TBXAS1: variants seen among roughly 807,000 people sequenced by gnomAD.
TBXAS1 encodes the protein thromboxane A synthase 1.
Under a neutral mutation model 60.7 loss-of-function variants are expected in TBXAS1, and 48 were observed. The ratio of observed to expected loss-of-function variants is 0.79; its 90% CI spans 0.63 to 1.01. The LOEUF (loss-of-function observed/expected upper bound fraction) is 1.01, where lower values mean the gene tolerates loss of function less well. Ranked by LOEUF, TBXAS1 falls within the 50% of genes least tolerant of loss-of-function variation. TBXAS1 has a pLI of 0.00. For synonymous variants in TBXAS1, 287 were observed against 269.7 expected, an observed-to-expected ratio of 1.06 and a Z score of -0.63; for missense variants, 685 against 686.3, an observed-to-expected ratio of 1.00 and a Z score of 0.02.
At chr7:139,814,661 C>A (rs4726815) in intron 4 of TBXAS1, among the ~76,000 whole-genome samples, 1 of 151,918 alleles carries the variant, frequency 6.6e-6, no homozygotes. Flanking sequence ...AGCAACAAGA[C>A]AAAGCATGTC....
intron 1 of TBXAS1, 58 bp from the exon 2 acceptor site, chr7:139,872,167 TCCTAATAGAG>T (rs1000151462): frequency 1.4e-6 from 2 of 1,459,706 alleles, no homozygotes; most frequent in African/African-American, 2.8e-5. Flanking sequence ...TAATTCTAGT[TCCTAATAGAG>T]CCTAAAGCAT....
chr7:139,877,728 CTTTTTTTTTT>C (rs902893678), intron 3 of TBXAS1, among the ~76,000 whole-genome samples: 2 of 97,688 alleles, frequency 2.0e-5, no homozygotes, highest in African/African-American at 4.0e-5. Flanking sequence ...CAGTCTATTG[CTTTTTTTTTT>C]TTTTTTTTTG....
At chr7:140,015,652 T>C in intron 10 of TBXAS1, 71 bp from the exon 11 acceptor site, 1 of 1,575,240 alleles carries the variant, frequency 6.3e-7, no homozygotes, top group Non-Finnish European at 8.7e-7. Context: ...AGACTCTGCC[T>C]GCCCAGCACG....
chr7:139,967,825 G>T (rs1810904600), intron 9 of TBXAS1, among the ~76,000 whole-genome samples: 1 of 152,204 alleles, frequency 6.6e-6, no homozygotes, highest in South Asian at 2.1e-4. Context: ...GTGGCCCCCA[G>T]ATTAGAAGTT....
chr7:139,957,753 G>A lies in TBXAS1; in HGVS notation c.808G>A (p.Ala270Thr), dbSNP rs1288457690. 2.5e-6 allele frequency: 4 copies of A among 1,614,092 alleles called. No individual in the cohort carries two copies. The highest frequency in any genetic ancestry group is 2.2e-5 in the East Asian group (1 of 44,872). The change falls in exon 8 of 13, where the codon GCT becomes ACT. Residue 270 changes from alanine (A) to threonine (T), a missense_variant. Transcript: ENST00000448866. Reference protein sequence around the residue: ...RNVIALRDQQAAEERRRDFLQ... With the variant: ...RNVIALRDQQTAEERRRDFLQ... ...TGTGATTGCCTTGCGGGACCAGCAA[G>A]CTGCCGAAGAGGTAACGTATTTTAA...
At chr7:139,958,970 C>T (rs1452183189) in intron 8 of TBXAS1, among the ~76,000 whole-genome samples, 8 of 151,850 alleles carry the variant, frequency 5.3e-5, no homozygotes, top group Admixed American at 5.3e-4. Flanking sequence ...ATTTTCAACC[C>T]TCAACATTGC....
rs190078236 is a variant in TBXAS1, at chr7:139,879,341, G to A, written c.236+3704G>A. On this transcript the variant is annotated intron_variant, in intron 3 of 12. Coordinates refer to ENST00000448866, the MANE Select transcript of TBXAS1 (RefSeq NM_001061.7). The stretch of plus-strand genomic sequence containing the variant: ...AACTTGAATGTAAAGCAGGAGGACT[G>A]GCGTGGATACCTATACAGCTATTAG... Among the ~76,000 whole-genome samples, 6 of 152,306 alleles carry A rather than the reference G, an allele frequency of 3.9e-5. No individual in the cohort carries two copies. The East Asian group carries it at 1.2e-3, about 29-fold the overall frequency.
At chr7:139,833,678 C>T (rs980158652) in intron 1 of TBXAS1, among the ~76,000 whole-genome samples, 18 of 150,534 alleles carry the variant, frequency 1.2e-4, no homozygotes, top group Non-Finnish European at 2.5e-4. Context: ...CAGCAAGACT[C>T]TTTCTCAAAA....
intron 4 of TBXAS1, among the ~76,000 whole-genome samples, chr7:139,804,396 A>G (rs1246177150): frequency 6.6e-6 from 1 of 152,218 alleles, no homozygotes; most frequent in African/African-American, 2.4e-5. Flanking sequence ...TTGATTTTAC[A>G]GGCTCATAGG....
At chr7:139,791,344 G>A (rs553578574) in intron 4 of TBXAS1, among the ~76,000 whole-genome samples, 70 of 152,254 alleles carry the variant, frequency 4.6e-4, no homozygotes, top group African/African-American at 1.6e-3. Context: ...TGGGAGCCTC[G>A]GAGGCCTTCA....
chr7:139,780,483 T>C (rs1342410655), intron 1 of TBXAS1, among the ~76,000 whole-genome samples: 1 of 152,200 alleles, frequency 6.6e-6, no homozygotes, highest in Non-Finnish European at 1.5e-5. Context: ...GCCTAACGCA[T>C]GGTGAGTACT....
chr7:139,872,350 C>T (rs1217716488), intron 2 of TBXAS1, 22 bp downstream of exon 2: 5 of 1,608,338 alleles, frequency 3.1e-6, no homozygotes, highest in Non-Finnish European at 3.4e-6. Flanking sequence ...CTTCCATTGG[C>T]TTCCATCATA....
At chr7:139,864,872 C>T (rs1321796377) in intron 1 of TBXAS1, among the ~76,000 whole-genome samples, 3 of 152,130 alleles carry the variant, frequency 2.0e-5, no homozygotes, top group Non-Finnish European at 2.9e-5. Flanking sequence ...TGTTGAGCCA[C>T]CTCTCATTGT....
rs920080326 is a variant in TBXAS1 at position 139,964,919 on chromosome 7, A to T, written c.1134+2686A>T. Among the ~76,000 whole-genome samples the T allele has an allele frequency of 2.6e-5, 4 of 152,198 alleles. No homozygotes were observed. In the South Asian group the frequency reaches 6.2e-4, roughly 24 times the overall value. The stretch of plus-strand genomic sequence containing the variant: ...TGTCAGTCTGCCAGGAGGACACAGC[A>T]AGTGCTCATGTTAGGCCAGGCACAG... On this transcript the variant is annotated intron_variant, in intron 9 of 12. Transcript: ENST00000448866.
rs1801037589 is a variant in TBXAS1 at position 139,862,469 on chromosome 7, G to A, written c.90-9766G>A. On this transcript the variant is annotated intron_variant, in intron 1 of 12. Coordinates refer to ENST00000448866, the MANE Select transcript of TBXAS1 (RefSeq NM_001061.7). Reference sequence around the variant, plus strand: ...AAGGGCAGCCCCAAGGAAGCTGTGGGTACAGAAGCTTAGTTGGAGTGGGGG... The same window carrying A: ...AAGGGCAGCCCCAAGGAAGCTGTGGATACAGAAGCTTAGTTGGAGTGGGGG... Among the ~76,000 whole-genome samples, 3 of 152,220 alleles carry A rather than the reference G, an allele frequency of 2.0e-5. No individual in the cohort carries two copies. The South Asian group carries it at 6.2e-4, about 32-fold the overall frequency.
At position 140,013,417 on chromosome 7, in the gene TBXAS1, T is replaced by C. The variant is rs2116441807; in HGVS notation, c.1227-2306T>C. On this transcript the variant is annotated intron_variant, in intron 10 of 12. Transcript: ENST00000448866. The surrounding 1 kb of genome is among the most constrained non-coding windows in gnomAD (Gnocchi z 4.2). The stretch of plus-strand genomic sequence containing the variant: ...AAGAGTTGAGTTGTGTGGCTCCAGG[T>C]AGACTCATTTCCCAGGGTCACCTGC... Among the ~76,000 whole-genome samples the C allele has an allele frequency of 6.6e-6, 1 of 152,236 alleles. No homozygotes were observed. The highest frequency in any genetic ancestry group is 2.1e-4 in the South Asian group (1 of 4,824).
chr7:139,849,839 T>C (rs1364369406), intron 1 of TBXAS1, among the ~76,000 whole-genome samples: 1 of 152,210 alleles, frequency 6.6e-6, no homozygotes, highest in Non-Finnish European at 1.5e-5. Flanking sequence ...CAGGGGACAC[T>C]CTTGTAGATT....
intron 7 of TBXAS1, among the ~76,000 whole-genome samples, chr7:139,956,351 G>A (rs1443472398): frequency 1.3e-5 from 2 of 152,054 alleles, no homozygotes; most frequent in Admixed American, 6.5e-5. Flanking sequence ...TCTCCATGTC[G>A]GTCAGGCTGG....
At chr7:139,966,424 G>A (rs1258272234) in intron 9 of TBXAS1, among the ~76,000 whole-genome samples, 1 of 152,216 alleles carries the variant, frequency 6.6e-6, no homozygotes, top group Non-Finnish European at 1.5e-5. Context: ...GGGCAGAGCT[G>A]CCTTCAGGTA....
Sources: allele counts gnomAD v4.1 joint callset (sites outside exome capture counted in the v4.1 genomes callset), GRCh38; gene constraint gnomAD v4.1.1; non-coding constraint Gnocchi (gnomAD v3.1); transcripts MANE v1.5; gene names NCBI Gene and HGNC (gene_info 2026-07-23, HGNC 2026-07-21).